The following CNTNAP2 variants were observed in gnomAD, a reference collection of about 807,000 sequenced individuals.
CNTNAP2 encodes contactin associated protein 2, also known as contactin-associated protein-like 2.
CNTNAP2 carries 98 observed loss-of-function variants against 155.2 expected under a neutral mutation model. That is an observed-to-expected ratio of 0.63 (90% CI 0.54 to 0.75). CNTNAP2 has a LOEUF of 0.75. Among genes scored for constraint, CNTNAP2 ranks in the 30% least tolerant of loss-of-function variants. CNTNAP2 has a pLI of 0.00. For synonymous variants in CNTNAP2, 651 were observed against 631.2 expected (o/e 1.03, Z -0.47); for missense variants, 1,727 against 1,688.1 (o/e 1.02, Z -0.40).
At chr7:147,185,997 C>T (rs1802558290) in intron 8 of CNTNAP2, among the ~76,000 whole-genome samples, 1 of 152,188 alleles carries the variant, frequency 6.6e-6, no homozygotes, top group Non-Finnish European at 1.5e-5. Flanking sequence ...CCACGTGGAA[C>T]TGTGAGTCCA....
At chr7:147,508,488 G>A (rs1798955181) in intron 11 of CNTNAP2, among the ~76,000 whole-genome samples, 3 of 152,108 alleles carry the variant, frequency 2.0e-5, no homozygotes, top group Non-Finnish European at 4.4e-5. Context: ...CAAAAACCTT[G>A]CAACTCTTGA....
At chr7:147,647,326 G>T (rs1795382686) in intron 13 of CNTNAP2, among the ~76,000 whole-genome samples, 1 of 150,828 alleles carries the variant, frequency 6.6e-6, no homozygotes, top group African/African-American at 2.4e-5. Context: ...TTTTAACGAG[G>T]GTCAGAGATA....
intron 1 of CNTNAP2, among the ~76,000 whole-genome samples, chr7:146,466,558 C>T (rs1796720114): frequency 6.6e-6 from 1 of 152,156 alleles, no homozygotes; most frequent in African/African-American, 2.4e-5. Flanking sequence ...CACCCTTTTC[C>T]CAAATTCCCT....
chr7:146,955,102 A>G (rs1054583492), intron 3 of CNTNAP2, among the ~76,000 whole-genome samples: 1 of 151,950 alleles, frequency 6.6e-6, no homozygotes, highest in African/African-American at 2.4e-5. Context: ...TGCCCTGACA[A>G]AATATATTTA....
intron 3 of CNTNAP2, among the ~76,000 whole-genome samples, chr7:146,944,732 G>T (rs1797126658): frequency 6.6e-6 from 1 of 152,006 alleles, no homozygotes. Context: ...TAAAAAAATT[G>T]CTGGACGTGG....
chr7:147,594,178 G>A (rs1282440706), intron 12 of CNTNAP2, among the ~76,000 whole-genome samples: 1 of 144,304 alleles, frequency 6.9e-6, no homozygotes, highest in African/African-American at 2.6e-5. Flanking sequence ...CCAGGCTGGA[G>A]TACAGTGGCC....
Position 146,473,694 on chromosome 7 carries a change from A to G in CNTNAP2, c.98-300577A>G, listed in dbSNP as rs147888212. On this transcript the variant is annotated intron_variant, in intron 1 of 23. Transcript: ENST00000361727. ...TTTCCACCTGCAACTAAAATTATGC[A>G]AACCTTAGGCATTTGTTTTTGTGAT... Among the ~76,000 whole-genome samples the G allele has an allele frequency of 2.6e-3, 392 of 152,318 alleles. 2 individuals are homozygous for G. The Middle Eastern group carries it at 0.044, about 17-fold the overall frequency.
intron 2 of CNTNAP2, among the ~76,000 whole-genome samples, chr7:146,818,431 T>G (rs2129195494): frequency 1.3e-5 from 2 of 151,830 alleles, no homozygotes; most frequent in Middle Eastern, 6.8e-3. Flanking sequence ...TTTAGCATAT[T>G]TTTTCCATGT....
At chr7:148,368,427 G>C (rs1371853436) in intron 21 of CNTNAP2, among the ~76,000 whole-genome samples, 1 of 152,194 alleles carries the variant, frequency 6.6e-6, no homozygotes, top group Admixed American at 6.5e-5. Context: ...TTAACTGGTA[G>C]AGTGATGGTT....
At chr7:146,552,188 A>G (rs1032355626) in intron 1 of CNTNAP2, among the ~76,000 whole-genome samples, 5 of 152,276 alleles carry the variant, frequency 3.3e-5, no homozygotes, top group Non-Finnish European at 4.4e-5. Context: ...ATACTATTGT[A>G]TAAAGTTTTC....
intron 1 of CNTNAP2, among the ~76,000 whole-genome samples, chr7:146,369,145 A>C (rs1238035939): frequency 6.7e-6 from 1 of 150,174 alleles, no homozygotes; most frequent in Admixed American, 6.7e-5. Context: ...TTTTCTTTGG[A>C]TCATTTTCCT....
intron 15 of CNTNAP2, among the ~76,000 whole-genome samples, chr7:148,117,487 G>A (rs1804499606): frequency 6.6e-6 from 1 of 152,214 alleles, no homozygotes; most frequent in African/African-American, 2.4e-5. Context: ...TGCACCAGGT[G>A]TCTGGGTGGC....
At chr7:147,141,807 C>T (rs1435209306) in intron 8 of CNTNAP2, among the ~76,000 whole-genome samples, 1 of 152,100 alleles carries the variant, frequency 6.6e-6, no homozygotes, top group Non-Finnish European at 1.5e-5. Flanking sequence ...TTGGGGTTCT[C>T]ACAGGAGCAT....
intron 1 of CNTNAP2, among the ~76,000 whole-genome samples, chr7:146,766,919 C>A (rs1042349669): frequency 2.6e-5 from 4 of 151,984 alleles, no homozygotes; most frequent in African/African-American, 7.2e-5. Context: ...TAGGTCACCT[C>A]CATCTAGTAG....
chr7:146,401,094 C>T (rs1277609209), intron 1 of CNTNAP2, among the ~76,000 whole-genome samples: 1 of 152,136 alleles, frequency 6.6e-6, no homozygotes, highest in East Asian at 1.9e-4. Context: ...CAAAACAGCA[C>T]TATTTAAATT....
chr7:146,869,857 T>C (rs1445508944), intron 3 of CNTNAP2, among the ~76,000 whole-genome samples: 1 of 152,136 alleles, frequency 6.6e-6, no homozygotes, highest in Non-Finnish European at 1.5e-5. Context: ...TGGGTACGTC[T>C]TCCTCTCCCA....
chr7:146,931,760 C>T (rs955173339), intron 3 of CNTNAP2, among the ~76,000 whole-genome samples: 4 of 149,588 alleles, frequency 2.7e-5, no homozygotes, highest in Admixed American at 2.0e-4. Flanking sequence ...GGGATATCAC[C>T]ACCGATCCCA....
chr7:147,774,190 C>G (rs1797522119), intron 13 of CNTNAP2, among the ~76,000 whole-genome samples: 1 of 152,158 alleles, frequency 6.6e-6, no homozygotes, highest in Non-Finnish European at 1.5e-5. Flanking sequence ...TACTCTTATG[C>G]ATTGTCTGCC....
At chr7:146,675,962 G>A (rs1319394378) in intron 1 of CNTNAP2, among the ~76,000 whole-genome samples, 2 of 152,046 alleles carry the variant, frequency 1.3e-5, no homozygotes, top group African/African-American at 4.8e-5. Context: ...AGTGAAATTT[G>A]GTTCTCGAGC....
Sources: gnomAD v4.1 joint callset for allele counts (sites outside exome capture counted in the v4.1 genomes callset) on GRCh38, gnomAD v4.1.1 for gene constraint, MANE v1.5 for transcripts, NCBI Gene and HGNC (gene_info 2026-07-23, HGNC 2026-07-21) for gene names.